The following ARSG variants were observed in gnomAD, a reference collection of about 807,000 sequenced individuals.
ARSG encodes ASG.
A neutral mutation model predicts 50.5 loss-of-function variants in ARSG; 37 were observed. That is an observed-to-expected ratio of 0.73 (90% CI 0.56 to 0.96). ARSG has a LOEUF of 0.96. Among genes scored for constraint, ARSG ranks in the 50% least tolerant of loss-of-function variants. The pLI, the probability that ARSG is intolerant of heterozygous loss-of-function variation, is 0.00. For missense variants in ARSG, 629 were observed against 675.3 expected (o/e 0.93, Z 0.76); for synonymous variants, 225 against 254.6 (o/e 0.88, Z 1.11).
chr17:68,307,385 G>A lies in ARSG; in HGVS notation c.-109G>A. The A allele has an allele frequency of 1.2e-6, 1 of 844,156 alleles. No individual in the cohort carries two copies. Among genetic ancestry groups the A allele is most frequent in the East Asian group, 2.4e-5 (1 of 40,986 alleles). 52.3% of individuals were successfully genotyped at this position (844,156 alleles called of 1,614,324 possible). On this transcript the variant is annotated 5_prime_UTR_variant, in exon 2 of 12. Coordinates refer to ENST00000621439, the MANE Select transcript of ARSG (RefSeq NM_001267727.2). ...GCATCTTCTTGCAGATTCCACCCCT[G>A]CTCCCCAGAGACTTCCTGCTTTGAA...
chr17:68,399,662 G>A lies in ARSG; in HGVS notation c.1213-1698G>A, dbSNP rs763896132. ...AGCCATCCCACAGTTTTGCTTCCTC[G>A]TGGATTTTGGAAGTTGCCTCTGGTA... is the stretch of plus-strand genomic sequence containing the variant. On this transcript the variant is annotated intron_variant, in intron 10 of 11. Coordinates refer to ENST00000621439, the MANE Select transcript of ARSG (RefSeq NM_001267727.2). This position sits in a 1 kb window ranked among gnomAD's most constrained non-coding sequence, Gnocchi z 4.6. Among the ~76,000 whole-genome samples, 2 of 152,172 alleles carry A rather than the reference G, an allele frequency of 1.3e-5. No homozygotes were observed. Among genetic ancestry groups the A allele is most frequent in the South Asian group, 2.1e-4 (1 of 4,832 alleles).
chr17:68,329,473 G>T (rs575974808), intron 2 of ARSG, among the ~76,000 whole-genome samples: 14 of 152,332 alleles, frequency 9.2e-5, no homozygotes, highest in South Asian at 8.3e-4. Context: ...GAGCTGGGCG[G>T]GTAACAGACA....
At position 68,385,083 on chromosome 17, in the gene ARSG, G is replaced by T; in HGVS notation, c.1002G>T (p.Gln334His). 6.2e-7 allele frequency: 1 copy of T among 1,614,112 alleles called. No individual in the cohort carries two copies. The highest frequency in any genetic ancestry group is 8.5e-7 in the Non-Finnish European group (1 of 1,180,002). Residue 334 changes from glutamine (Q) to histidine (H), a missense_variant, in exon 9 of 12, where the codon CAG becomes CAT. Gln to His is a conservative substitution (Grantham distance 24, BLOSUM62 0). Coordinates refer to ENST00000621439, the MANE Select transcript of ARSG (RefSeq NM_001267727.2). Reference protein sequence around the residue: ...QTRQGGSPAKQTTWEGGHRVP... With the variant: ...QTRQGGSPAKHTTWEGGHRVP... ...TCACAGGGGGAAGTCCAGCCAAGCA[G>T]ACGACCTGGGAAGGAGGGCACCGGG... is the stretch of plus-strand genomic sequence containing the variant.
intron 6 of ARSG, among the ~76,000 whole-genome samples, chr17:68,365,527 C>A (rs2146649461): frequency 6.6e-6 from 1 of 152,326 alleles, no homozygotes; most frequent in African/African-American, 2.4e-5. Context: ...GCTCTGCCAT[C>A]TCTCATAACT....
At chr17:68,386,748 C>T (rs959836074) in intron 9 of ARSG, among the ~76,000 whole-genome samples, 1 of 152,194 alleles carries the variant, frequency 6.6e-6, no homozygotes, top group Non-Finnish European at 1.5e-5. Flanking sequence ...GGACAAGTAA[C>T]TCAGCCGTCT....
chr17:68,444,538 T>G, the ARSG span: 1 of 1,614,190 alleles, frequency 6.2e-7, no homozygotes, highest in South Asian at 1.1e-5. Context: ...AACAGCTTCA[T>G]GTCTTTAATG....
At chr17:68,440,629 T>G in the ARSG span, 2 of 152,216 alleles carry the variant, frequency 1.3e-5, no homozygotes, top group Non-Finnish European at 2.9e-5. Flanking sequence ...GTGTTATAGC[T>G]TGACACATAT....
Position 68,385,388 on chromosome 17 carries a change from G to A in ARSG, c.1091+216G>A, listed in dbSNP as rs182323400. Among the ~76,000 whole-genome samples the A allele has an allele frequency of 5.5e-4, 83 of 151,922 alleles. No homozygotes were observed. The East Asian group carries it at 0.016, about 29-fold the overall frequency. On this transcript the variant is annotated intron_variant, in intron 9 of 11. Coordinates refer to ENST00000621439, the MANE Select transcript of ARSG (RefSeq NM_001267727.2). The stretch of plus-strand genomic sequence containing the variant: ...GAAAGTAATAGTGAAGTGGGGCCAC[G>A]TGTGGAGGCTCGCTTCTGTAATCCT...
intron 1 of ARSG, among the ~76,000 whole-genome samples, chr17:68,299,100 CTTTTTTTTTTTT>C (rs201821256): frequency 1.9e-5 from 2 of 105,584 alleles, no homozygotes; most frequent in Admixed American, 2.1e-4. Flanking sequence ...AAAAATTGAA[CTTTTTTTTTTTT>C]TTTTTTTTTT....
At chr17:68,335,541 G>A (rs541950785) in intron 2 of ARSG, among the ~76,000 whole-genome samples, 6 of 144,046 alleles carry the variant, frequency 4.2e-5, no homozygotes, top group South Asian at 4.4e-4. Flanking sequence ...GCAACAGAGC[G>A]AGACTCCATC....
At chr17:68,288,161 T>C (rs1034799888), upstream of ARSG, among the ~76,000 whole-genome samples, 1 of 149,692 alleles carries the variant, frequency 6.7e-6, no homozygotes, top group South Asian at 2.1e-4. Flanking sequence ...CACGCCCGGC[T>C]GATTTTTTTT....
At chr17:68,265,193 A>T (rs1409843746) in intron 1 of ARSG, among the ~76,000 whole-genome samples, 1 of 151,286 alleles carries the variant, frequency 6.6e-6, no homozygotes, top group Non-Finnish European at 1.5e-5. Context: ...AACGTAATTA[A>T]CAAATGTGTT....
At chr17:68,335,685 G>C (rs917955775) in intron 2 of ARSG, among the ~76,000 whole-genome samples, 7 of 152,178 alleles carry the variant, frequency 4.6e-5, no homozygotes, top group Non-Finnish European at 7.3e-5. Context: ...TGTCATCGAG[G>C]TGCTAACATT....
intron 8 of ARSG, among the ~76,000 whole-genome samples, chr17:68,374,157 CAA>C (rs758829709): frequency 1.8e-4 from 11 of 60,502 alleles, no homozygotes; most frequent in Non-Finnish European, 1.4e-4. Flanking sequence ...ACTCTGTCTC[CAA>C]AAAAAAAAAA....
At chr17:68,353,772 G>T (rs887881107) in intron 5 of ARSG, among the ~76,000 whole-genome samples, 4 of 152,178 alleles carry the variant, frequency 2.6e-5, no homozygotes, top group Non-Finnish European at 5.9e-5. Context: ...CACAATCTCT[G>T]ATCATTACAA....
chr17:68,303,969 ATGAT>A (rs2076515163), intron 1 of ARSG, among the ~76,000 whole-genome samples: 1 of 152,222 alleles, frequency 6.6e-6, no homozygotes, highest in African/African-American at 2.4e-5. Context: ...ATTTTAAGTA[ATGAT>A]TCTCTTTGAA....
the ARSG span, chr17:68,430,226 C>T: frequency 6.6e-7 from 1 of 1,516,324 alleles, no homozygotes. Flanking sequence ...CAGGAATCTC[C>T]ACACCCAAGC....
the ARSG span, among the ~76,000 whole-genome samples, chr17:68,452,013 A>G: frequency 1.3e-5 from 2 of 152,206 alleles, no homozygotes; most frequent in African/African-American, 4.8e-5. Flanking sequence ...AGGAGCCCAA[A>G]ATATTATTTA....
the ARSG span, among the ~76,000 whole-genome samples, chr17:68,447,984 C>CAAA: frequency 1.2e-5 from 1 of 80,278 alleles, no homozygotes; most frequent in Non-Finnish European, 2.5e-5. Context: ...GACTCTATCT[C>CAAA]AAAAAAAAAA....
Sources: gnomAD v4.1 joint callset for allele counts (sites outside exome capture counted in the v4.1 genomes callset) on GRCh38, gnomAD v4.1.1 for gene constraint, Gnocchi (gnomAD v3.1) non-coding constraint, MANE v1.5 for transcripts, NCBI Gene and HGNC (gene_info 2026-07-23, HGNC 2026-07-21) for gene names.